GARIN2: variants seen among roughly 807,000 people sequenced by gnomAD.
GARIN2 encodes the protein Golgi-associated RAB2 interactor protein 2.
chr14:67,193,891 G>T, the GARIN2 span, among the ~76,000 whole-genome samples: 2 of 138,146 alleles, frequency 1.4e-5, no homozygotes, highest in Non-Finnish European at 3.0e-5. Flanking sequence ...GCTGCAGTGA[G>T]CAATGATCAC....
the GARIN2 span, among the ~76,000 whole-genome samples, chr14:67,219,286 G>A: frequency 5.6e-4 from 86 of 152,272 alleles, no homozygotes; most frequent in East Asian, 0.013. Context: ...CGTTTTCCCT[G>A]CAATGGGAGG....
At chr14:67,197,769 G>A in the GARIN2 span, among the ~76,000 whole-genome samples, 6,016 of 152,192 alleles carry the variant, frequency 0.04, 131 homozygotes, top group Middle Eastern at 0.054. Flanking sequence ...TGGTCTGTGG[G>A]GGAATATATT....
At chr14:67,214,008 G>A in the GARIN2 span, among the ~76,000 whole-genome samples, 3 of 152,032 alleles carry the variant, frequency 2.0e-5, no homozygotes, top group African/African-American at 7.2e-5. Flanking sequence ...TTTTTGATGG[G>A]GTTGTTTGTT....
At chr14:67,219,984 T>G in the GARIN2 span, among the ~76,000 whole-genome samples, 1 of 152,238 alleles carries the variant, frequency 6.6e-6, no homozygotes, top group African/African-American at 2.4e-5. Flanking sequence ...AGATGTAATA[T>G]TCTAAGAACA....
the GARIN2 span, among the ~76,000 whole-genome samples, chr14:67,195,034 T>C: frequency 6.6e-6 from 1 of 152,206 alleles, no homozygotes; most frequent in Non-Finnish European, 1.5e-5. Flanking sequence ...TAATTGGAGA[T>C]GTTGGTGGGG....
At chr14:67,226,114 T>TAA in the GARIN2 span, among the ~76,000 whole-genome samples, 15 of 152,242 alleles carry the variant, frequency 9.9e-5, no homozygotes, top group Admixed American at 2.0e-4. Context: ...TGCTCACTCT[T>TAA]CTGTCCACCC....
the GARIN2 span, among the ~76,000 whole-genome samples, chr14:67,196,087 C>T: frequency 1.3e-5 from 2 of 152,154 alleles, no homozygotes; most frequent in African/African-American, 2.4e-5. Context: ...CAATATCTAG[C>T]TGTTGTTCCT....
the GARIN2 span, chr14:67,201,454 T>C: frequency 4.4e-6 from 2 of 456,048 alleles, no homozygotes; most frequent in South Asian, 1.5e-5. Flanking sequence ...GGGCCTCACA[T>C]CTAAACAGGA....
chr14:67,195,960 T>G, the GARIN2 span, among the ~76,000 whole-genome samples: 1 of 152,082 alleles, frequency 6.6e-6, no homozygotes, highest in South Asian at 2.1e-4. Context: ...AATTTTTGTG[T>G]TTTTTAGTAG....
the GARIN2 span, chr14:67,221,839 G>T: frequency 6.2e-7 from 1 of 1,609,584 alleles, no homozygotes; most frequent in Non-Finnish European, 8.5e-7. Flanking sequence ...ATGTTTTATT[G>T]TGATCCCTGG....
the GARIN2 span, chr14:67,224,542 G>A: frequency 0.012 from 2,331 of 192,788 alleles, 28 homozygotes; most frequent in Non-Finnish European, 0.017. Flanking sequence ...TTACAGACAT[G>A]AGCCACTGTG....
chr14:67,193,362 A>AGAT, the GARIN2 span, among the ~76,000 whole-genome samples: 3 of 133,556 alleles, frequency 2.2e-5, no homozygotes, highest in Non-Finnish European at 3.3e-5. Flanking sequence ...AGAGATATAT[A>AGAT]ATCTATCTAT....
the GARIN2 span, chr14:67,198,366 A>G: frequency 1.3e-6 from 2 of 1,544,794 alleles, no homozygotes; most frequent in Non-Finnish European, 1.8e-6. Flanking sequence ...AACTTCAGTA[A>G]TTTTCTCAAA....
At chr14:67,193,385 A>C in the GARIN2 span, among the ~76,000 whole-genome samples, 87 of 140,348 alleles carry the variant, frequency 6.2e-4, no homozygotes, top group Non-Finnish European at 1.0e-3. Flanking sequence ...ATCTAGATAT[A>C]TCTAGATATA....
At chr14:67,204,521 G>T in the GARIN2 span, 2 of 1,607,736 alleles carry the variant, frequency 1.2e-6, no homozygotes, top group Non-Finnish European at 1.7e-6. Flanking sequence ...TGATGTTACC[G>T]TGTGCTTGTT....
chr14:67,221,733 G>A, the GARIN2 span: 1 of 1,607,354 alleles, frequency 6.2e-7, no homozygotes, highest in Non-Finnish European at 8.5e-7. Context: ...CTAAATATTT[G>A]TGGTTATGCT....
chr14:67,199,373 G>A, the GARIN2 span: 30 of 1,614,008 alleles, frequency 1.9e-5, no homozygotes, highest in Non-Finnish European at 2.5e-5. Context: ...CATTTTCAAT[G>A]GGAACCTGGA....
At chr14:67,197,767 G>A in the GARIN2 span, among the ~76,000 whole-genome samples, 3 of 152,104 alleles carry the variant, frequency 2.0e-5, no homozygotes, top group African/African-American at 7.2e-5. Flanking sequence ...AATGGTCTGT[G>A]GGGGAATATA....
the GARIN2 span, among the ~76,000 whole-genome samples, chr14:67,189,944 G>T: frequency 4.3e-4 from 63 of 147,932 alleles, no homozygotes; most frequent in African/African-American, 1.5e-3. Flanking sequence ...GGGTTCAAGT[G>T]ATTCTCCTGC....
Sources: gnomAD v4.1 joint callset for allele counts (sites outside exome capture counted in the v4.1 genomes callset) on GRCh38, gnomAD v4.1.1 for gene constraint, MANE v1.5 for transcripts, NCBI Gene and HGNC (gene_info 2026-07-23, HGNC 2026-07-21) for gene names.